Variants in RNF24 observed in about 807,000 individuals in gnomAD.
RNF24 encodes ring finger protein 24.
A neutral mutation model predicts 20.0 loss-of-function variants in RNF24; 14 were observed. The ratio of observed to expected loss-of-function variants is 0.70; its 90% CI spans 0.46 to 1.10. The LOEUF is 1.10. Ranked by LOEUF, RNF24 falls within the 50% of genes least tolerant of loss-of-function variation. The probability of loss-of-function intolerance (pLI) is 0.00; values close to 1 mark genes in which losing one functional copy is unlikely to be tolerated. For synonymous variants in RNF24, 45 were observed against 61.1 expected (o/e 0.74, Z 1.23); for missense variants, 124 against 177.6 (o/e 0.70, Z 1.71).
chr20:3,942,229 C>T (rs1345638224), intron 4 of RNF24, among the ~76,000 whole-genome samples: 2 of 150,524 alleles, frequency 1.3e-5, no homozygotes, highest in Non-Finnish European at 2.9e-5. Context: ...AGTACAGTGG[C>T]ACAACCTTGG....
chr20:3,992,966 A>T (rs1980573993), intron 1 of RNF24, among the ~76,000 whole-genome samples: 1 of 152,232 alleles, frequency 6.6e-6, no homozygotes, highest in South Asian at 2.1e-4. Context: ...TAAATATATC[A>T]TCTATGGATT....
chr20:3,989,502 A>AT (rs1170105421), intron 1 of RNF24, among the ~76,000 whole-genome samples: 1 of 151,888 alleles, frequency 6.6e-6, no homozygotes. Flanking sequence ...AAAAAAAAAA[A>AT]TAAAAAAAGA....
chr20:3,979,421 A>G (rs1979196242), intron 1 of RNF24, among the ~76,000 whole-genome samples: 1 of 152,138 alleles, frequency 6.6e-6, no homozygotes, highest in Non-Finnish European at 1.5e-5. Flanking sequence ...CTGTAATCTC[A>G]GCACAGCACT....
intron 4 of RNF24, among the ~76,000 whole-genome samples, chr20:3,940,400 CAG>C (rs1054192469): frequency 3.0e-5 from 4 of 132,920 alleles, no homozygotes; most frequent in Non-Finnish European, 6.4e-5. Flanking sequence ...GTCTGAACAA[CAG>C]AGAAAAAATT....
Position 3,976,888 on chromosome 20 carries a change from T to C in RNF24, c.-7-12864A>G, listed in dbSNP as rs1292923372. Among the ~76,000 whole-genome samples, 3 of 152,208 alleles carry C rather than the reference T, an allele frequency of 2.0e-5. No homozygotes were observed. The East Asian group carries it at 5.8e-4, about 29-fold the overall frequency. On this transcript the variant is annotated intron_variant, in intron 1 of 5. Transcript: ENST00000358395. The stretch of plus-strand genomic sequence containing the variant: ...AAAGTTAATATCCTGGTTATGATAT[T>C]ATACTATAGTTTTACAAGATGTTAT...
chr20:3,979,067 C>T (rs1182207008), intron 1 of RNF24, among the ~76,000 whole-genome samples: 1 of 147,796 alleles, frequency 6.8e-6, no homozygotes, highest in East Asian at 2.0e-4. Context: ...GCACTCAAGC[C>T]TAGGCAAAAG....
intron 1 of RNF24, among the ~76,000 whole-genome samples, chr20:3,990,579 C>T (rs1980346395): frequency 1.3e-5 from 2 of 152,086 alleles, no homozygotes. Flanking sequence ...GATACCAGGT[C>T]AGTCATGGTG....
chr20:3,954,405 T>C (rs1416748972), intron 2 of RNF24, among the ~76,000 whole-genome samples: 1 of 152,244 alleles, frequency 6.6e-6, no homozygotes, highest in African/African-American at 2.4e-5. Context: ...TTGTAGTATG[T>C]ATCAGTACTT....
intron 2 of RNF24, among the ~76,000 whole-genome samples, chr20:3,960,372 T>A (rs1438427861): frequency 6.6e-6 from 1 of 152,180 alleles, no homozygotes; most frequent in Non-Finnish European, 1.5e-5. Flanking sequence ...TACCTCATGA[T>A]TAAATTTTAA....
chr20:3,961,533 A>G (rs1038017092), intron 2 of RNF24, among the ~76,000 whole-genome samples: 2 of 152,186 alleles, frequency 1.3e-5, no homozygotes, highest in Admixed American at 6.5e-5. Flanking sequence ...CTTTTCAAAA[A>G]CTTTGCCCAG....
At chr20:4,012,224 C>T (rs1011571305) in intron 1 of RNF24, among the ~76,000 whole-genome samples, 2 of 151,994 alleles carry the variant, frequency 1.3e-5, no homozygotes, top group African/African-American at 4.8e-5. Flanking sequence ...ACCAGTCTGG[C>T]CAACATGGCA....
intron 1 of RNF24, among the ~76,000 whole-genome samples, chr20:3,976,148 T>C (rs1309088903): frequency 2.0e-5 from 3 of 152,164 alleles, no homozygotes; most frequent in Non-Finnish European, 4.4e-5. Context: ...TTTTCTGTTG[T>C]TTTAAGGCAC....
intron 1 of RNF24, among the ~76,000 whole-genome samples, chr20:3,987,476 C>G (rs543244118): frequency 1.4e-3 from 217 of 152,290 alleles, no homozygotes; most frequent in Middle Eastern, 3.4e-3. Flanking sequence ...GCACTCAAAA[C>G]TATCCTCTAA....
At chr20:3,999,231 C>G (rs1291158910) in intron 1 of RNF24, among the ~76,000 whole-genome samples, 1 of 152,174 alleles carries the variant, frequency 6.6e-6, no homozygotes, top group Non-Finnish European at 1.5e-5. Context: ...TTAGTTACAA[C>G]AGTCCTATAG....
At chr20:4,005,052 G>A (rs1981740021) in intron 1 of RNF24, among the ~76,000 whole-genome samples, 1 of 152,170 alleles carries the variant, frequency 6.6e-6, no homozygotes, top group Non-Finnish European at 1.5e-5. Flanking sequence ...GAATAGTAAA[G>A]AGACTGTATT....
chr20:3,946,156 T>C (rs560561216), intron 3 of RNF24, among the ~76,000 whole-genome samples: 4 of 152,286 alleles, frequency 2.6e-5, no homozygotes, highest in East Asian at 1.9e-4. Flanking sequence ...CATACAAATA[T>C]CTTGTAAGCT....
chr20:3,990,231 T>C (rs1311007132), intron 1 of RNF24, among the ~76,000 whole-genome samples: 1 of 152,020 alleles, frequency 6.6e-6, no homozygotes, highest in Non-Finnish European at 1.5e-5. Flanking sequence ...CCTTTCTAAG[T>C]AAAACTCAGA....
chr20:3,973,133 G>A (rs2179454), intron 1 of RNF24, among the ~76,000 whole-genome samples: 18,718 of 151,960 alleles, frequency 0.12, 1,420 homozygotes, highest in Non-Finnish European at 0.17. Context: ...AACCCGGGAG[G>A]TGGAGGTTGC....
Position 3,933,464 on chromosome 20 carries a change from G to A in RNF24, c.*599C>T, listed in dbSNP as rs561290074. 1 of 321,638 alleles carries A rather than the reference G, an allele frequency of 3.1e-6. No individual in the cohort carries two copies. The highest frequency in any genetic ancestry group is 5.6e-6 in the Non-Finnish European group (1 of 177,998). 19.9% of individuals were successfully genotyped at this position (321,638 alleles called of 1,614,324 possible). Reference sequence around the variant, plus strand: ...TTTCCAAGCGCATCTCATGTTTTCAGCTTAGATGATTTGATAGCAGGTGTT... The same window carrying A: ...TTTCCAAGCGCATCTCATGTTTTCAACTTAGATGATTTGATAGCAGGTGTT... On this transcript the variant is annotated 3_prime_UTR_variant, in exon 6 of 6. Coordinates refer to ENST00000358395, the MANE Select transcript of RNF24 (RefSeq NM_001134337.3).
Sources: allele counts gnomAD v4.1 joint callset (sites outside exome capture counted in the v4.1 genomes callset), GRCh38; gene constraint gnomAD v4.1.1; transcripts MANE v1.5; gene names NCBI Gene and HGNC (gene_info 2026-07-23, HGNC 2026-07-21).